The following MTA3 variants were observed in gnomAD, a reference collection of about 807,000 sequenced individuals.
MTA3 encodes metastasis associated 1 family member 3, also known as metastasis-associated protein MTA3.
In MTA3, 34 loss-of-function variants were observed where a neutral mutation model predicts 83.5. The ratio of observed to expected loss-of-function variants is 0.41; its 90% CI spans 0.31 to 0.54. MTA3 has a LOEUF of 0.54. Ranked by LOEUF, MTA3 falls within the 20% of genes least tolerant of loss-of-function variation. MTA3 has a pLI of 0.33. For synonymous variants in MTA3, 303 were observed against 252.7 expected, an observed-to-expected ratio of 1.20 and a Z score of -1.89; for missense variants, 761 against 726.4, an observed-to-expected ratio of 1.05 and a Z score of -0.55.
chr2:42,666,674 T>C (rs1690262497), intron 8 of MTA3, among the ~76,000 whole-genome samples: 1 of 152,196 alleles, frequency 6.6e-6, no homozygotes, highest in Non-Finnish European at 1.5e-5. Flanking sequence ...CTCATTTTTG[T>C]GATTATTTTG....
chr2:42,525,603 T>TTTCCTTCCTTCCTTTCCTTCC (rs1553337687), intron 2 of MTA3, among the ~76,000 whole-genome samples: 6 of 95,504 alleles, frequency 6.3e-5, no homozygotes, highest in African/African-American at 2.3e-4. Flanking sequence ...CCTTCCTTCC[T>TTTCCTTCCTTCCTTTCCTTCC]TTCCTTCCTT....
chr2:42,630,225 G>T (rs973881310), intron 4 of MTA3, among the ~76,000 whole-genome samples: 6 of 152,262 alleles, frequency 3.9e-5, no homozygotes, highest in Non-Finnish European at 8.8e-5. Flanking sequence ...ACTTTCAATA[G>T]CAGAGAAGTG....
chr2:42,604,574 CTTTT>C (rs963468751), intron 3 of MTA3, among the ~76,000 whole-genome samples: 3 of 16,690 alleles, frequency 1.8e-4, no homozygotes, highest in African/African-American at 3.0e-4. Flanking sequence ...TGTTTCTTTT[CTTTT>C]TTTTTTTTTT....
intron 9 of MTA3, among the ~76,000 whole-genome samples, chr2:42,693,833 C>T (rs536140275): frequency 1.3e-5 from 2 of 152,212 alleles, no homozygotes; most frequent in South Asian, 4.2e-4. Context: ...TCACCATAGC[C>T]ACCTATAGCT....
At chr2:42,510,835 A>G (rs560164599) in intron 2 of MTA3, among the ~76,000 whole-genome samples, 4 of 152,306 alleles carry the variant, frequency 2.6e-5, no homozygotes, top group South Asian at 2.1e-4. Flanking sequence ...CCCTTATCAC[A>G]TCACAGGACA....
At chr2:42,640,930 A>G (rs894460019) in intron 5 of MTA3, among the ~76,000 whole-genome samples, 1 of 152,132 alleles carries the variant, frequency 6.6e-6, no homozygotes, top group Non-Finnish European at 1.5e-5. Context: ...TTTTGGAGAC[A>G]AAGTCTTGCT....
chr2:42,623,104 C>T (rs549735452), intron 4 of MTA3, among the ~76,000 whole-genome samples: 3 of 152,274 alleles, frequency 2.0e-5, no homozygotes, highest in East Asian at 1.9e-4. Flanking sequence ...ATATGGTGGG[C>T]GTGTCTTGCC....
At chr2:42,708,611 C>T (rs187535094) in intron 13 of MTA3, among the ~76,000 whole-genome samples, 1 of 152,244 alleles carries the variant, frequency 6.6e-6, no homozygotes, top group East Asian at 1.9e-4. Flanking sequence ...ACCCCCTTGG[C>T]AGTTTCATAC....
intron 2 of MTA3, among the ~76,000 whole-genome samples, chr2:42,529,068 C>T (rs371374601): frequency 6.6e-6 from 1 of 152,144 alleles, no homozygotes; most frequent in Non-Finnish European, 1.5e-5. Context: ...TTAGGCAGAA[C>T]TTAAAATATG....
chr2:42,628,193 TTTC>T (rs935979005), intron 4 of MTA3, among the ~76,000 whole-genome samples: 16 of 143,712 alleles, frequency 1.1e-4, no homozygotes, highest in South Asian at 2.3e-4. Context: ...TTCTTTTAAT[TTTC>T]TTCTTATCGT....
intron 2 of MTA3, among the ~76,000 whole-genome samples, chr2:42,518,200 G>T (rs1675246787): frequency 6.6e-6 from 1 of 151,966 alleles, no homozygotes; most frequent in Non-Finnish European, 1.5e-5. Context: ...GAAAATAAAA[G>T]AAAATACAGT....
At chr2:42,513,645 C>T (rs979334387) in intron 2 of MTA3, among the ~76,000 whole-genome samples, 3 of 152,164 alleles carry the variant, frequency 2.0e-5, no homozygotes, top group South Asian at 2.1e-4. Context: ...AAGGGTAGAA[C>T]TTCCAGGACA....
At chr2:42,608,054 T>C (rs1408263921) in intron 3 of MTA3, among the ~76,000 whole-genome samples, 1 of 152,232 alleles carries the variant, frequency 6.6e-6, no homozygotes, top group East Asian at 1.9e-4. Context: ...GCCGTTGTGA[T>C]TTTTGTCTTT....
intron 5 of MTA3, 72 bp from the exon 6 acceptor site, chr2:42,644,055 A>G: frequency 2.2e-6 from 2 of 890,576 alleles, no homozygotes; most frequent in Non-Finnish European, 3.4e-6. Context: ...TCATTGTAGC[A>G]ACATTGATTT....
chr2:42,712,211 A>G (rs7580766), intron 14 of MTA3, among the ~76,000 whole-genome samples: 99,308 of 152,112 alleles, frequency 0.65, 33,462 homozygotes, highest in African/African-American at 0.82. Flanking sequence ...CTCAAAGAAT[A>G]TGTAAAGAGT....
At chr2:42,612,743 C>A (rs1285996333) in intron 4 of MTA3, among the ~76,000 whole-genome samples, 1 of 152,082 alleles carries the variant, frequency 6.6e-6, no homozygotes, top group African/African-American at 2.4e-5. Flanking sequence ...TGCCTGTAAT[C>A]CCAGCTACTC....
intron 14 of MTA3, among the ~76,000 whole-genome samples, chr2:42,711,081 T>A (rs1256899938): frequency 2.7e-5 from 4 of 150,526 alleles, no homozygotes; most frequent in Admixed American, 6.6e-5. Context: ...CATTAAAAAA[T>A]AAATAAATAA....
intron 16 of MTA3, among the ~76,000 whole-genome samples, chr2:42,738,498 G>A (rs531022511): frequency 7.2e-5 from 11 of 152,230 alleles, no homozygotes; most frequent in African/African-American, 1.9e-4. Context: ...CCTGTCAGCC[G>A]AGGAGGATGT....
In MTA3 at chr2:42,617,509, T is replaced by C. The variant is rs543979322; in HGVS notation, c.317+7925T>C. On this transcript the variant is annotated intron_variant, in intron 4 of 16. Coordinates refer to ENST00000405094, the MANE Select transcript of MTA3 (RefSeq NM_001330442.2). Reference sequence around the variant, plus strand: ...AGATATATAATGGGAAAAGGTATTATTTTAAAATTTGCATGTTTGAGGCCG... The same window carrying C: ...AGATATATAATGGGAAAAGGTATTACTTTAAAATTTGCATGTTTGAGGCCG... Among the ~76,000 whole-genome samples, 5 of 152,314 alleles carry C rather than the reference T, an allele frequency of 3.3e-5. No individual in the cohort carries two copies. The South Asian group carries it at 1.0e-3, about 32-fold the overall frequency.
Sources: allele counts gnomAD v4.1 joint callset (sites outside exome capture counted in the v4.1 genomes callset), GRCh38; gene constraint gnomAD v4.1.1; transcripts MANE v1.5; gene names NCBI Gene and HGNC (gene_info 2026-07-23, HGNC 2026-07-21).